Variants in KCNIP4 observed in about 807,000 individuals in gnomAD.
The protein encoded by KCNIP4 is Kv channel-interacting protein 4.
Under a neutral mutation model 34.0 loss-of-function variants are expected in KCNIP4, and 12 were observed. The observed-to-expected ratio is 0.35, with a 90% CI of 0.23 to 0.57. The LOEUF (loss-of-function observed/expected upper bound fraction) is 0.57, where lower values mean the gene tolerates loss of function less well. Ranked by LOEUF, KCNIP4 falls within the 20% of genes least tolerant of loss-of-function variation. The probability of loss-of-function intolerance (pLI) is 0.83; values close to 1 mark genes in which losing one functional copy is unlikely to be tolerated. For synonymous variants in KCNIP4, 124 were observed against 102.2 expected (o/e 1.21, Z -1.29); for missense variants, 238 against 311.7 (o/e 0.76, Z 1.78).
chr4:21,825,220 T>C (rs1722601071), intron 1 of KCNIP4, among the ~76,000 whole-genome samples: 1 of 151,306 alleles, frequency 6.6e-6, no homozygotes, highest in East Asian at 1.9e-4. Flanking sequence ...ATGTGACCAA[T>C]GCAGGAAGAA....
chr4:20,858,208 T>C (rs183088886), intron 2 of KCNIP4, among the ~76,000 whole-genome samples: 1,550 of 67,594 alleles, frequency 0.023, 14 homozygotes, highest in Middle Eastern at 0.048. Context: ...TGAAACTCCA[T>C]CTCAAAAAAA....
At chr4:21,376,976 A>T (rs537619804) in intron 1 of KCNIP4, among the ~76,000 whole-genome samples, 3 of 152,206 alleles carry the variant, frequency 2.0e-5, no homozygotes, top group African/African-American at 4.8e-5. Flanking sequence ...TTTCTTTACG[A>T]TCAAACGAAG....
chr4:21,459,707 G>T (rs1345415309), intron 1 of KCNIP4, among the ~76,000 whole-genome samples: 1 of 151,966 alleles, frequency 6.6e-6, no homozygotes, highest in African/African-American at 2.4e-5. Context: ...TTCAGGACAG[G>T]TGAAGTCTTA....
At chr4:21,478,121 C>A (rs34865460) in intron 1 of KCNIP4, among the ~76,000 whole-genome samples, 17,972 of 152,034 alleles carry the variant, frequency 0.12, 1,247 homozygotes, top group South Asian at 0.17. Flanking sequence ...TTTAAAAAAT[C>A]TTTACTTCTA....
At chr4:21,017,719 G>T (rs1483857546) in intron 1 of KCNIP4, among the ~76,000 whole-genome samples, 1 of 152,110 alleles carries the variant, frequency 6.6e-6, no homozygotes, top group Admixed American at 6.5e-5. Flanking sequence ...TAATAGGATT[G>T]CTGGGCCAAA....
intron 1 of KCNIP4, among the ~76,000 whole-genome samples, chr4:20,898,099 A>G (rs1327777349): frequency 6.6e-6 from 1 of 152,080 alleles, no homozygotes; most frequent in Non-Finnish European, 1.5e-5. Flanking sequence ...TCTCTTCCTC[A>G]GCTGGGGCTT....
intron 1 of KCNIP4, among the ~76,000 whole-genome samples, chr4:21,327,576 T>C (rs1459740327): frequency 2.0e-5 from 3 of 152,190 alleles, no homozygotes; most frequent in African/African-American, 7.2e-5. Context: ...TGTACTTGAA[T>C]AATATCTTTT....
At chr4:21,123,255 C>A (rs1419062739) in intron 1 of KCNIP4, among the ~76,000 whole-genome samples, 5 of 151,926 alleles carry the variant, frequency 3.3e-5, no homozygotes, top group Non-Finnish European at 7.4e-5. Context: ...AATATGTATT[C>A]TTTTATTTAT....
chr4:21,374,537 T>G (rs1720794876), intron 1 of KCNIP4, among the ~76,000 whole-genome samples: 1 of 147,142 alleles, frequency 6.8e-6, no homozygotes, highest in Admixed American at 6.6e-5. Flanking sequence ...GGTGGGGACA[T>G]AGCTAAATCA....
intron 1 of KCNIP4, among the ~76,000 whole-genome samples, chr4:21,629,849 C>CTTTCTTTTTTTTT (rs777493931): frequency 1.1e-5 from 1 of 87,802 alleles, no homozygotes; most frequent in East Asian, 4.1e-4. Context: ...CTTTTTCTTT[C>CTTTCTTTTTTTTT]TTTTTTTTTT....
At chr4:21,303,977 A>G in intron 1 of KCNIP4, 1 of 1,543,048 alleles carries the variant, frequency 6.5e-7, no homozygotes, top group South Asian at 1.2e-5. Flanking sequence ...TTGTAAAGCC[A>G]TTAAACTACA....
chr4:21,519,179 C>A (rs1230448560), intron 1 of KCNIP4, among the ~76,000 whole-genome samples: 1 of 151,936 alleles, frequency 6.6e-6, no homozygotes, highest in African/African-American at 2.4e-5. Context: ...AAGGGTGAAG[C>A]TCTCGTGAAT....
intron 3 of KCNIP4, among the ~76,000 whole-genome samples, chr4:20,764,032 T>C: frequency 6.6e-6 from 1 of 152,314 alleles, no homozygotes; most frequent in Non-Finnish European, 1.5e-5. Flanking sequence ...GCAGTAGGGT[T>C]CCTGGGTTTA....
chr4:21,461,806 T>C (rs1200382687), intron 1 of KCNIP4, among the ~76,000 whole-genome samples: 1 of 151,782 alleles, frequency 6.6e-6, no homozygotes, highest in Non-Finnish European at 1.5e-5. Flanking sequence ...CTAGAAAGAG[T>C]CCCCAGATTC....
chr4:21,040,953 G>GT, intron 1 of KCNIP4, among the ~76,000 whole-genome samples: 1 of 22,732 alleles, frequency 4.4e-5, no homozygotes, highest in East Asian at 7.9e-4. Flanking sequence ...ATGAAACAGA[G>GT]TAAAAAAAAA....
intron 1 of KCNIP4, among the ~76,000 whole-genome samples, chr4:21,575,562 G>A (rs1030401244): frequency 8.7e-5 from 13 of 149,610 alleles, no homozygotes; most frequent in African/African-American, 3.2e-4. Context: ...TCTTTCTTTA[G>A]CTAACTTCTT....
At chr4:21,132,649 G>A (rs1455503824) in intron 1 of KCNIP4, among the ~76,000 whole-genome samples, 3 of 152,196 alleles carry the variant, frequency 2.0e-5, no homozygotes, top group South Asian at 2.1e-4. Flanking sequence ...ACTGAAGTGC[G>A]GGGTAGGCAT....
intron 1 of KCNIP4, 45 bp downstream of exon 1, chr4:21,948,526 G>T: frequency 6.3e-7 from 1 of 1,586,830 alleles, no homozygotes; most frequent in Non-Finnish European, 8.6e-7. Flanking sequence ...CGCGAGGGAA[G>T]GAGGGCGGAA....
Position 21,319,276 on chromosome 4 carries a change from G to A in KCNIP4, c.62-436567C>T, listed in dbSNP as rs145334395. 3.6e-3 allele frequency among the ~76,000 whole-genome samples: 550 copies of A among 152,288 alleles called. 5 individuals are homozygous for A. Among genetic ancestry groups the A allele is most frequent in the Non-Finnish European group, 5.5e-3 (377 of 68,004 alleles). On this transcript the variant is annotated intron_variant, in intron 1 of 8. Transcript: ENST00000382152. ...TTTGGTTGCAATTGACAGGTACTTG[G>A]ACAAATCATGTCTGCAGTCAGAATG...
Sources: gnomAD v4.1 joint callset for allele counts (sites outside exome capture counted in the v4.1 genomes callset) on GRCh38, gnomAD v4.1.1 for gene constraint, MANE v1.5 for transcripts, NCBI Gene and HGNC (gene_info 2026-07-23, HGNC 2026-07-21) for gene names.